PAGE2B: variants seen among roughly 807,000 people sequenced by gnomAD.
PAGE2B encodes the protein putative G antigen family E member 3.
In PAGE2B, 5 loss-of-function variants were observed where a neutral mutation model predicts 7.6. That is an observed-to-expected ratio of 0.66 (90% CI 0.34 to 1.38). PAGE2B has a LOEUF of 1.38. Ranked by LOEUF, PAGE2B falls within the 40% of genes most tolerant of loss-of-function variation. The pLI, the probability that PAGE2B is intolerant of heterozygous loss-of-function variation, is 0.04. For synonymous variants in PAGE2B, 29 were observed against 26.7 expected (o/e 1.09, Z -0.27); for missense variants, 70 against 78.4 (o/e 0.89, Z 0.41).
At chrX:55,037,242 G>A in the PAGE2B span, among the ~76,000 whole-genome samples, 1 of 111,783 alleles carries the variant, frequency 8.9e-6, no homozygotes, top group Non-Finnish European at 1.9e-5. Flanking sequence ...GTGGGCAAAG[G>A]ATATGAACAG....
intron 3 of PAGE2B, among the ~76,000 whole-genome samples, chrX:55,077,036 T>A (rs1194292201): frequency 9.0e-6 from 1 of 111,591 alleles, no homozygotes; most frequent in Admixed American, 9.5e-5. Flanking sequence ...AGAAACTTTT[T>A]AACACACCTT....
chrX:55,039,605 G>A, the PAGE2B span, among the ~76,000 whole-genome samples: 1 of 109,890 alleles, frequency 9.1e-6, no homozygotes, highest in Non-Finnish European at 1.9e-5. Context: ...CCAGTTCTTT[G>A]CTGATGCCAC....
the PAGE2B span, among the ~76,000 whole-genome samples, chrX:55,042,154 C>A: frequency 9.1e-6 from 1 of 110,438 alleles, no homozygotes; most frequent in African/African-American, 3.3e-5. Flanking sequence ...ACCTAGAAAA[C>A]CCTACTAACT....
the PAGE2B span, among the ~76,000 whole-genome samples, chrX:55,068,921 G>A: frequency 8.9e-6 from 1 of 112,058 alleles, no homozygotes; most frequent in Non-Finnish European, 1.9e-5. Flanking sequence ...TTGCTTATCA[G>A]CTTAAGGAGA....
At chrX:55,059,811 C>G in the PAGE2B span, among the ~76,000 whole-genome samples, 1 of 111,513 alleles carries the variant, frequency 9.0e-6, no homozygotes, top group East Asian at 2.8e-4. Context: ...CACCATTCTA[C>G]TCTCAGTTTC....
upstream of PAGE2B, among the ~76,000 whole-genome samples, chrX:55,074,821 G>C (rs73490464): frequency 8.9e-6 from 1 of 112,007 alleles, no homozygotes; most frequent in Non-Finnish European, 1.9e-5. Context: ...AAGGGTGGGC[G>C]GGGGAAAAAG....
the PAGE2B span, among the ~76,000 whole-genome samples, chrX:55,032,586 C>G: frequency 2.7e-5 from 3 of 111,591 alleles, no homozygotes; most frequent in Non-Finnish European, 5.6e-5. Context: ...ATCTCCAGAT[C>G]TCTCATATAT....
At chrX:55,041,201 C>G in the PAGE2B span, among the ~76,000 whole-genome samples, 3 of 106,708 alleles carry the variant, frequency 2.8e-5, no homozygotes, top group Non-Finnish European at 3.9e-5. Flanking sequence ...CCTGCCTCAG[C>G]CTCCTGAGTA....
chrX:55,043,436 A>G, the PAGE2B span, among the ~76,000 whole-genome samples: 7 of 111,292 alleles, frequency 6.3e-5, no homozygotes, highest in African/African-American at 2.3e-4. Flanking sequence ...CACAATCTAC[A>G]CATTCGACAA....
At chrX:55,035,541 A>G in the PAGE2B span, among the ~76,000 whole-genome samples, 1 of 111,510 alleles carries the variant, frequency 9.0e-6, no homozygotes. Flanking sequence ...GGGAGGAGGA[A>G]GAGTCTGGAA....
the PAGE2B span, among the ~76,000 whole-genome samples, chrX:55,048,927 A>C: frequency 2.7e-5 from 3 of 111,902 alleles, no homozygotes; most frequent in African/African-American, 9.8e-5. Context: ...ATTCAGTATG[A>C]TACTGGCTGT....
chrX:55,053,106 AC>A, the PAGE2B span, among the ~76,000 whole-genome samples: 3 of 112,646 alleles, frequency 2.7e-5, no homozygotes, highest in South Asian at 3.6e-4. Flanking sequence ...AATAGCAAAG[AC>A]ATGGAATCAA....
the PAGE2B span, among the ~76,000 whole-genome samples, chrX:55,064,180 T>C: frequency 9.0e-6 from 1 of 111,453 alleles, no homozygotes; most frequent in Non-Finnish European, 1.9e-5. Flanking sequence ...GTGTAGCCAT[T>C]GGATCCTGAG....
At chrX:55,046,271 G>A in the PAGE2B span, among the ~76,000 whole-genome samples, 2 of 110,571 alleles carry the variant, frequency 1.8e-5, no homozygotes, top group Admixed American at 9.7e-5. Context: ...CTGTCACCAC[G>A]CCCAGCTAAA....
At chrX:55,068,936 G>A in the PAGE2B span, among the ~76,000 whole-genome samples, 13 of 111,731 alleles carry the variant, frequency 1.2e-4, no homozygotes, top group South Asian at 7.5e-4. Context: ...AGGAGATTTG[G>A]GGCTGAGATG....
the PAGE2B span, among the ~76,000 whole-genome samples, chrX:55,041,710 G>C: frequency 9.0e-6 from 1 of 111,662 alleles, no homozygotes; most frequent in Admixed American, 9.5e-5. Context: ...CTCCCCCACA[G>C]GCTCTGGGGC....
the PAGE2B span, among the ~76,000 whole-genome samples, chrX:55,065,633 C>A: frequency 9.0e-6 from 1 of 111,658 alleles, no homozygotes; most frequent in East Asian, 2.8e-4. Context: ...TTTGTACCTT[C>A]CTGTTTTCCT....
At chrX:55,058,679 C>A in the PAGE2B span, among the ~76,000 whole-genome samples, 1 of 111,131 alleles carries the variant, frequency 9.0e-6, no homozygotes, top group Non-Finnish European at 1.9e-5. Context: ...TTCGTTTAAC[C>A]CTTCCTACAA....
upstream of PAGE2B, among the ~76,000 whole-genome samples, chrX:55,071,362 T>C (rs1936447483): frequency 9.0e-6 from 1 of 111,642 alleles, no homozygotes; most frequent in African/African-American, 3.3e-5. Flanking sequence ...TCTTTAAGAA[T>C]GTTGAATATT....
Sources: allele counts gnomAD v4.1 joint callset (sites outside exome capture counted in the v4.1 genomes callset), GRCh38; gene constraint gnomAD v4.1.1; transcripts MANE v1.5; gene names NCBI Gene and HGNC (gene_info 2026-07-23, HGNC 2026-07-21).